Variants in CENPI observed in about 807,000 individuals in gnomAD.
CENPI encodes the protein centromere protein I, also known as FSH primary response 1.
A neutral mutation model predicts 60.4 loss-of-function variants in CENPI; 4 were observed. The ratio of observed to expected loss-of-function variants is 0.07; its 90% CI spans 0.03 to 0.15. The LOEUF (loss-of-function observed/expected upper bound fraction) is 0.15, where lower values mean the gene tolerates loss of function less well. Among genes scored for constraint, CENPI ranks in the 10% least tolerant of loss-of-function variants. The pLI, the probability that CENPI is intolerant of heterozygous loss-of-function variation, is 1.00. For synonymous variants in CENPI, 157 were observed against 189.4 expected (o/e 0.83, Z 1.40); for missense variants, 444 against 534.5 (o/e 0.83, Z 1.67).
At position 101,145,087 on chromosome X, in the gene CENPI, T is replaced by C; in HGVS notation, c.1589T>C (p.Met530Thr). 1 of 1,204,086 alleles carries C rather than the reference T, an allele frequency of 8.3e-7. No individual in the cohort carries two copies. The change falls in exon 17 of 22, where the codon ATG becomes ACG. Residue 530 changes from methionine (M) to threonine (T), a missense_variant. By Grantham distance (81) the Met-to-Thr change is moderately conservative (BLOSUM62 -1). Transcript: ENST00000682095. ...AGAGAGACAACTTTGGGTGGATCCA[T>C]GAACTCTGTGTCTAAACTGATCCAC... ...SPLETTLGGS[M>T]NSVSKLIHYV...
At chrX:101,105,754 CAG>C (rs900670386) in intron 4 of CENPI, among the ~76,000 whole-genome samples, 6 of 111,169 alleles carry the variant, frequency 5.4e-5, no homozygotes, top group Non-Finnish European at 1.1e-4. Context: ...TTTGATATCT[CAG>C]AAATTAATGA....
the CENPI span, among the ~76,000 whole-genome samples, chrX:101,175,577 A>T: frequency 9.8e-5 from 11 of 112,201 alleles, no homozygotes; most frequent in East Asian, 3.1e-3. Context: ...GAGCTGAAGG[A>T]AAGAGCTGAA....
chrX:101,149,343 A>G (rs1464559074), intron 20 of CENPI, among the ~76,000 whole-genome samples: 2 of 111,206 alleles, frequency 1.8e-5, no homozygotes, highest in South Asian at 3.8e-4. Flanking sequence ...CCAGTAAAAA[A>G]TTTATTTACA....
chrX:101,168,808 C>T (rs1053268865), downstream of CENPI, among the ~76,000 whole-genome samples: 2 of 111,687 alleles, frequency 1.8e-5, no homozygotes, highest in African/African-American at 3.3e-5. Context: ...CAAACAACAG[C>T]GACAAATCCT....
intron 15 of CENPI, among the ~76,000 whole-genome samples, chrX:101,138,235 G>A (rs1404270652): frequency 2.8e-5 from 3 of 107,266 alleles, no homozygotes; most frequent in Non-Finnish European, 5.8e-5. Context: ...TGATCCGCCC[G>A]CCTCGGCCTC....
At chrX:101,103,406 A>G (rs1478851007) in intron 4 of CENPI, among the ~76,000 whole-genome samples, 1 of 110,284 alleles carries the variant, frequency 9.1e-6, no homozygotes, top group African/African-American at 3.3e-5. Context: ...CAGTGGTGCA[A>G]TCTTGGCTCA....
In CENPI at chrX:101,124,795, C is replaced by T. The variant is rs539877621; in HGVS notation, c.688-1914C>T. The stretch of plus-strand genomic sequence containing the variant: ...AGAAGGATGTGTTTGCTTCCCCTTC[C>T]GCCATGTTTGTAAGTTTCCTGAGGC... On this transcript the variant is annotated intron_variant, in intron 8 of 21. Coordinates refer to ENST00000682095, the MANE Select transcript of CENPI (RefSeq NM_001386188.2). 1.3e-4 allele frequency among the ~76,000 whole-genome samples: 15 copies of T among 111,842 alleles called. No homozygotes were observed. In the South Asian group the frequency reaches 3.0e-3, roughly 22 times the overall value.
At chrX:101,146,397 G>A (rs1481708568) in intron 18 of CENPI, 120 bp downstream of exon 18, 1 of 751,558 alleles carries the variant, frequency 1.3e-6, no homozygotes, top group Non-Finnish European at 1.9e-6. Flanking sequence ...AATAGGAAAT[G>A]TGGCTTGCTT....
At chrX:101,109,820 C>T (rs753232719) in intron 5 of CENPI, 71 bp from the exon 6 acceptor site, 82 of 742,190 alleles carry the variant, frequency 1.1e-4, no homozygotes, top group South Asian at 2.0e-4. Context: ...TGGCGGGGGA[C>T]GGGGGGCGGA....
the CENPI span, among the ~76,000 whole-genome samples, chrX:101,179,945 G>A: frequency 8.9e-6 from 1 of 111,821 alleles, no homozygotes; most frequent in Non-Finnish European, 1.9e-5. Context: ...TTACATTCCT[G>A]TCAGTAATGT....
At position 101,145,151 on chromosome X, in the gene CENPI, G is replaced by A. The variant is rs2089952086; in HGVS notation, c.1653G>A (p.Glu551=). The A allele has an allele frequency of 8.3e-7, 1 of 1,206,026 alleles. No homozygotes were observed. The highest frequency in any genetic ancestry group is 1.1e-6 in the Non-Finnish European group (1 of 890,485). Residue 551 remains glutamate, a synonymous_variant, in exon 17 of 22, where the codon GAG becomes GAA. Coordinates refer to ENST00000682095, the MANE Select transcript of CENPI (RefSeq NM_001386188.2). The part of the protein sequence containing the change: ...GWLSTTAMRL[E]SNNTFLLHFI... ...TATCCACTACTGCAATGCGCTTGGAGAGCAACAATACTTTCTTGCTGCACT... is the reference window on the plus strand; with the variant it reads ...TATCCACTACTGCAATGCGCTTGGAAAGCAACAATACTTTCTTGCTGCACT...
At position 101,098,239 on chromosome X, in the gene CENPI, A is replaced by G. The variant is rs150661598; in HGVS notation, c.-119A>G. 8.6e-3 allele frequency: 970 copies of G among 113,198 alleles called. 11 individuals are homozygous for G. Among genetic ancestry groups the G allele is most frequent in the African/African-American group, 0.03 (934 of 31,156 alleles). 9.3% of individuals were successfully genotyped at this position (113,198 alleles called of 1,213,427 possible). On this transcript the variant is annotated 5_prime_UTR_variant, in exon 1 of 22. Coordinates refer to ENST00000682095, the MANE Select transcript of CENPI (RefSeq NM_001386188.2). ...CAGAGGCCTGTGCGGCTGCAGGTAG[A>G]GTGTCTTAGGTGAGGAGGTACTTTT...
At chrX:101,115,411 A>G (rs187573955) in intron 6 of CENPI, among the ~76,000 whole-genome samples, 3,098 of 110,999 alleles carry the variant, frequency 0.028, 41 homozygotes, top group Non-Finnish European at 0.045. Context: ...TGTCTCAAAA[A>G]AAAAGAACAA....
At chrX:101,099,088 C>T (rs2089380219) in intron 2 of CENPI, among the ~76,000 whole-genome samples, 1 of 111,113 alleles carries the variant, frequency 9.0e-6, no homozygotes, top group Non-Finnish European at 1.9e-5. Flanking sequence ...CTCTCTCTCT[C>T]CCTCCCTCCC....
At chrX:101,166,230 A>G (rs748143086), downstream of CENPI, among the ~76,000 whole-genome samples, 11 of 111,107 alleles carry the variant, frequency 9.9e-5, no homozygotes, top group African/African-American at 3.6e-4. Context: ...ATCTCAGCTC[A>G]CTGCAACCTC....
chrX:101,157,668 A>G (rs979225139), intron 20 of CENPI, among the ~76,000 whole-genome samples: 17 of 107,144 alleles, frequency 1.6e-4, no homozygotes, highest in Non-Finnish European at 2.9e-4. Flanking sequence ...AAAAAAAAAA[A>G]AGGACTTTTT....
At chrX:101,121,640 G>A (rs776536020) in intron 8 of CENPI, among the ~76,000 whole-genome samples, 21 of 110,375 alleles carry the variant, frequency 1.9e-4, no homozygotes, top group Non-Finnish European at 3.6e-4. Context: ...GCAAAGAAGG[G>A]AGAGAAGGGC....
chrX:101,149,332 T>C (rs1401612479), intron 20 of CENPI, among the ~76,000 whole-genome samples: 1 of 111,072 alleles, frequency 9.0e-6, no homozygotes, highest in East Asian at 2.8e-4. Context: ...ATAGTTGTAT[T>C]CCAGTAAAAA....
chrX:101,098,672 C>T (rs2089373911), intron 2 of CENPI, 133 bp downstream of exon 2: 1 of 111,709 alleles, frequency 9.0e-6, no homozygotes, highest in Non-Finnish European at 1.9e-5. Context: ...AACTCCAAAA[C>T]ATTGCACGAA....
Sources: allele counts gnomAD v4.1 joint callset (sites outside exome capture counted in the v4.1 genomes callset), GRCh38; gene constraint gnomAD v4.1.1; transcripts MANE v1.5; gene names NCBI Gene and HGNC (gene_info 2026-07-23, HGNC 2026-07-21).